The following CDK13 variants were observed in gnomAD, a reference collection of about 807,000 sequenced individuals.
The protein encoded by CDK13 is cyclin-dependent kinase 13.
A neutral mutation model predicts 137.6 loss-of-function variants in CDK13; 40 were observed. The observed-to-expected ratio is 0.29, with a 90% CI of 0.23 to 0.38. The LOEUF is 0.38. CDK13 is among the 10% of genes least tolerant of loss of function. CDK13 has a pLI of 1.00. For missense variants in CDK13, 1,704 were observed against 1,951.8 expected (o/e 0.87, Z 2.39); for synonymous variants, 869 against 760.1 (o/e 1.14, Z -2.36).
At chr7:40,005,007 C>T (rs1362599997) in intron 5 of CDK13, among the ~76,000 whole-genome samples, 1 of 151,924 alleles carries the variant, frequency 6.6e-6, no homozygotes, top group Non-Finnish European at 1.5e-5. Flanking sequence ...AAACCCATCT[C>T]AACTAAAAAT....
chr7:40,090,489 G>T (rs190503346), intron 12 of CDK13, among the ~76,000 whole-genome samples: 338 of 152,272 alleles, frequency 2.2e-3, no homozygotes, highest in African/African-American at 7.8e-3. Flanking sequence ...GAGTAACTGG[G>T]ATTACAGGCA....
At chr7:39,976,323 TCACA>T (rs764395925) in intron 1 of CDK13, among the ~76,000 whole-genome samples, 2,745 of 39,570 alleles carry the variant, frequency 0.069, 147 homozygotes, top group East Asian at 0.28. Flanking sequence ...TCTCTCTCTC[TCACA>T]CACACACACA....
intron 1 of CDK13, among the ~76,000 whole-genome samples, chr7:39,978,179 G>T (rs1385203407): frequency 6.6e-6 from 1 of 152,086 alleles, no homozygotes; most frequent in African/African-American, 2.4e-5. Context: ...ACTTGTGGGA[G>T]AATGAATATA....
chr7:39,985,517 A>T (rs1239580494), intron 1 of CDK13: 1 of 152,006 alleles, frequency 6.6e-6, no homozygotes, highest in Non-Finnish European at 1.5e-5. Context: ...ATTATAAGAT[A>T]GCTCTAGTTT....
At chr7:40,003,483 TG>T (rs1351654337) in intron 5 of CDK13, among the ~76,000 whole-genome samples, 9 of 152,290 alleles carry the variant, frequency 5.9e-5, no homozygotes, top group Admixed American at 5.2e-4. Context: ...TTAGAATGTC[TG>T]GGTCTTGAGA....
intron 7 of CDK13, among the ~76,000 whole-genome samples, chr7:40,053,894 A>G (rs1035596802): frequency 2.0e-5 from 3 of 152,192 alleles, no homozygotes; most frequent in African/African-American, 7.2e-5. Context: ...TGTAGGTATC[A>G]TTCTTATGTA....
At chr7:39,982,437 CCAAGT>C (rs1784249222) in intron 1 of CDK13, among the ~76,000 whole-genome samples, 1 of 151,938 alleles carries the variant, frequency 6.6e-6, no homozygotes, top group East Asian at 1.9e-4. Context: ...TGGGTTGGTT[CCAAGT>C]CTTTGCTATT....
intron 11 of CDK13, among the ~76,000 whole-genome samples, chr7:40,082,557 A>G (rs1786689863): frequency 1.3e-5 from 2 of 149,878 alleles, no homozygotes; most frequent in Non-Finnish European, 3.0e-5. Flanking sequence ...TAATCTCAGC[A>G]CTGCAGGAGG....
chr7:39,963,224 A>G (rs1783790520), intron 1 of CDK13, among the ~76,000 whole-genome samples: 2 of 152,068 alleles, frequency 1.3e-5, no homozygotes, highest in East Asian at 1.9e-4. Flanking sequence ...CAGTATGGCC[A>G]TTTTCATGAT....
chr7:39,956,280 C>T (rs11973952), intron 1 of CDK13, among the ~76,000 whole-genome samples: 4,668 of 152,218 alleles, frequency 0.031, 232 homozygotes, highest in African/African-American at 0.11. Context: ...CTTAAATTTC[C>T]AAAGCTGTAA....
chr7:40,085,068 A>G (rs952340370), intron 11 of CDK13, among the ~76,000 whole-genome samples: 3 of 152,116 alleles, frequency 2.0e-5, no homozygotes, highest in East Asian at 1.9e-4. Flanking sequence ...AGAATCTCTT[A>G]CTTTTAAGGG....
rs771780778 is a variant in CDK13 at position 40,095,030 on chromosome 7, A to G, written c.*50A>G. On this transcript the variant is annotated 3_prime_UTR_variant, in exon 14 of 14. Coordinates refer to ENST00000181839, the MANE Select transcript of CDK13 (RefSeq NM_003718.5). ...CATTTTTATCTGGAAAGACTTTTCTAGCTGCAATTTAAGGCAGCAATCCAA... is the reference window on the plus strand; with the variant it reads ...CATTTTTATCTGGAAAGACTTTTCTGGCTGCAATTTAAGGCAGCAATCCAA... 3.0e-6 allele frequency: 4 copies of G among 1,340,864 alleles called. No individual in the cohort carries two copies. The highest frequency in any genetic ancestry group is 2.0e-4 in the Middle Eastern group (1 of 5,030). The allele number at this position is 1,340,864 out of a possible 1,614,324, so 83.1% of individuals were successfully genotyped here.
At chr7:40,012,211 A>G (rs1784910176) in intron 5 of CDK13, among the ~76,000 whole-genome samples, 1 of 152,170 alleles carries the variant, frequency 6.6e-6, no homozygotes, top group Non-Finnish European at 1.5e-5. Flanking sequence ...TGCTACAGAG[A>G]GAGTACAATG....
intron 7 of CDK13, chr7:40,048,101 T>C (rs1785790935): frequency 8.2e-6 from 3 of 364,404 alleles, no homozygotes; most frequent in Admixed American, 8.5e-5. Context: ...TAAAAATGAT[T>C]TTTTTAAATG....
intron 1 of CDK13, among the ~76,000 whole-genome samples, chr7:39,979,195 AT>A (rs1247385672): frequency 2.0e-5 from 3 of 147,224 alleles, no homozygotes; most frequent in Non-Finnish European, 3.0e-5. Flanking sequence ...AGTAACGTAG[AT>A]TTTTTTCTTT....
rs867579677 is a variant in CDK13 at position 39,987,951 on chromosome 7, C to T, written c.1564C>T (p.His522Tyr). 6.2e-7 allele frequency: 1 copy of T among 1,614,132 alleles called. No homozygotes were observed. Among genetic ancestry groups the T allele is most frequent in the Middle Eastern group, 1.6e-4 (1 of 6,062 alleles). Residue 522 changes from histidine (H) to tyrosine (Y), a missense_variant, in exon 2 of 14, where the codon CAT becomes TAT. His to Tyr is a moderately conservative substitution (Grantham distance 83, BLOSUM62 2). This residue lies in a region of CDK13 where 1,051 missense variants were observed against 931.0 expected (regional missense o/e 1.13). Transcript: ENST00000181839. Reference protein sequence around the residue: ...VKDVKKIKIEHAPSPSSGGTL... With the variant: ...VKDVKKIKIEYAPSPSSGGTL... ...GGATGTGAAGAAAATTAAAATTGAA[C>T]ATGCACCTTCTCCCTCAAGTGGTGG...
intron 1 of CDK13, among the ~76,000 whole-genome samples, chr7:39,966,342 T>A (rs1256560855): frequency 1.3e-5 from 2 of 152,196 alleles, no homozygotes; most frequent in Non-Finnish European, 2.9e-5. Context: ...TTTCTAAACT[T>A]CTCTTCTTGC....
intron 4 of CDK13, 24 bp from the exon 5 acceptor site, chr7:40,001,837 T>C (rs1201371041): frequency 6.1e-6 from 9 of 1,476,102 alleles, no homozygotes; most frequent in Middle Eastern, 1.8e-4. Context: ...ACTGGTAACC[T>C]GATTTTATTA....
At chr7:39,976,782 G>T (rs1387960592) in intron 1 of CDK13, among the ~76,000 whole-genome samples, 1 of 152,072 alleles carries the variant, frequency 6.6e-6, no homozygotes, top group Admixed American at 6.5e-5. Context: ...TGAATGTAGG[G>T]TCTCTCTCAA....
Sources: gnomAD v4.1 joint callset for allele counts (sites outside exome capture counted in the v4.1 genomes callset) on GRCh38, gnomAD v4.1.1 for gene constraint, gnomAD v4.1.1 regional missense constraint, MANE v1.5 for transcripts, NCBI Gene and HGNC (gene_info 2026-07-23, HGNC 2026-07-21) for gene names.